The following TMEM229B variants were observed in gnomAD, a reference collection of about 807,000 sequenced individuals.
TMEM229B encodes the protein transmembrane protein 229B.
In TMEM229B, 6 loss-of-function variants were observed where a neutral mutation model predicts 13.7. The ratio of observed to expected loss-of-function variants is 0.44; its 90% CI spans 0.24 to 0.86. The LOEUF is 0.86. Among genes scored for constraint, TMEM229B ranks in the 40% least tolerant of loss-of-function variants. The pLI is 0.23. For missense variants in TMEM229B, 170 were observed against 236.0 expected (o/e 0.72, Z 1.83); for synonymous variants, 107 against 102.1 (o/e 1.05, Z -0.29).
rs146078085 is a variant in TMEM229B at position 67,524,481 on chromosome 14, C to T, written c.-192+9155G>A. On this transcript the variant is annotated intron_variant, in intron 1 of 2. Coordinates refer to the TMEM229B transcript ENST00000554278. ...GTGAGAAGGGGTAGACAAAGGAACA[C>T]AGGCTTAGGACTTCTTCCTTGAAGT... 8.0e-3 allele frequency among the ~76,000 whole-genome samples: 1,211 copies of T among 152,310 alleles called. 17 individuals carry two copies. The highest frequency in any genetic ancestry group is 0.027 in the African/African-American group (1,127 of 41,558).
intron 1 of TMEM229B, 108 bp downstream of exon 1, chr14:67,488,400 C>T (rs2032002419): frequency 1.3e-5 from 2 of 152,444 alleles, no homozygotes; most frequent in African/African-American, 4.8e-5. Flanking sequence ...CCCCCGGGGC[C>T]TCTGCACTGA....
chr14:67,517,042 T>G (rs2033215416), upstream of TMEM229B, among the ~76,000 whole-genome samples: 1 of 152,182 alleles, frequency 6.6e-6, no homozygotes, highest in African/African-American at 2.4e-5. Flanking sequence ...AACTTGTTTT[T>G]TTGCTGGAGA....
intron 1 of TMEM229B, among the ~76,000 whole-genome samples, chr14:67,501,066 T>TAATAAG (rs2038928731): frequency 6.8e-6 from 1 of 147,622 alleles, no homozygotes; most frequent in Non-Finnish European, 1.5e-5. Context: ...ATAATAATAA[T>TAATAAG]AATAATAATA....
chr14:67,478,244 G>C (rs924984001), intron 2 of TMEM229B, among the ~76,000 whole-genome samples: 1 of 152,200 alleles, frequency 6.6e-6, no homozygotes, highest in African/African-American at 2.4e-5. Context: ...GCTGAGCAAG[G>C]CTAGCTGTAC....
At chr14:67,482,685 C>T (rs1393935400) in intron 2 of TMEM229B, among the ~76,000 whole-genome samples, 1 of 152,214 alleles carries the variant, frequency 6.6e-6, no homozygotes, top group African/African-American at 2.4e-5. Context: ...CCTCCCTGAA[C>T]TTCCCCTGTT....
chr14:67,479,680 T>C (rs1192607712), intron 2 of TMEM229B, among the ~76,000 whole-genome samples: 1 of 152,080 alleles, frequency 6.6e-6, no homozygotes, highest in Non-Finnish European at 1.5e-5. Context: ...ATAGCGCCAC[T>C]GCACTCTAGC....
At chr14:67,496,004 C>T (rs936003828) in intron 1 of TMEM229B, among the ~76,000 whole-genome samples, 5 of 152,190 alleles carry the variant, frequency 3.3e-5, no homozygotes, top group Non-Finnish European at 5.9e-5. Context: ...TTCACTGTCA[C>T]AGCTGTGTGT....
At chr14:67,487,546 G>A (rs537834814) in intron 1 of TMEM229B, among the ~76,000 whole-genome samples, 5 of 152,216 alleles carry the variant, frequency 3.3e-5, no homozygotes, top group East Asian at 3.9e-4. Context: ...TCTCAAGGGC[G>A]GTCAGAACCT....
Position 67,474,026 on chromosome 14 carries a change from C to T in TMEM229B, c.-18-85G>A, listed in dbSNP as rs1255492100. The T allele has an allele frequency of 3.6e-6, 5 of 1,394,198 alleles. No homozygotes were observed. In the East Asian group the frequency reaches 1.3e-4, roughly 35 times the overall value. The allele number at this position is 1,394,198 out of a possible 1,614,324, so 86.4% of individuals were successfully genotyped here. A position where few individuals can be genotyped will look rare whatever the true frequency, so the allele number is the denominator to read the frequency against. On this transcript the variant is annotated intron_variant, in intron 2 of 2. Transcript: ENST00000554480. ...CCTGCGCTTTGGGAGGCCGAGGCGGCGGATCACTTGAGGTCAGGAGTTCCA... is the reference window on the plus strand; with the variant it reads ...CCTGCGCTTTGGGAGGCCGAGGCGGTGGATCACTTGAGGTCAGGAGTTCCA...
rs1433601874 is a variant in TMEM229B, at chr14:67,507,513, G to A, written c.-192+7573C>T. On this transcript the variant is annotated intron_variant, in intron 1 of 2. Transcript: ENST00000357461. ...GTCCAAGCTGGAGTGCAGTGGTGTG[G>A]TCACAGCTCATTGCAGCCTCGACCT... 2.0e-5 allele frequency among the ~76,000 whole-genome samples: 3 copies of A among 151,988 alleles called. No individual in the cohort carries two copies. In the East Asian group the frequency reaches 5.8e-4, roughly 29 times the overall value.
chr14:67,474,053 A>G, intron 2 of TMEM229B, 112 bp from the exon 3 acceptor site: 1 of 1,212,832 alleles, frequency 8.2e-7, no homozygotes, highest in South Asian at 1.6e-5. Context: ...GGAGTTCCAA[A>G]CCAGCCTGGC....
rs759399938 is a variant in TMEM229B, at chr14:67,470,327, G to A, written c.*3093C>T. 1.3e-5 allele frequency: 2 copies of A among 152,284 alleles called. No individual in the cohort carries two copies. Among genetic ancestry groups the A allele is most frequent in the Non-Finnish European group, 2.9e-5 (2 of 68,114 alleles). The allele number at this position is 152,284 out of a possible 1,614,324, so 9.4% of individuals were successfully genotyped here. A position where few individuals can be genotyped will look rare whatever the true frequency, so the allele number is the denominator to read the frequency against. ...AAATGTGAAAAGGAAGAGACAGAGGGACCAACGGAGACACAGAGCAGGCAA... is the reference window on the plus strand; with the variant it reads ...AAATGTGAAAAGGAAGAGACAGAGGAACCAACGGAGACACAGAGCAGGCAA... On this transcript the variant is annotated 3_prime_UTR_variant, in exon 3 of 3. Transcript: ENST00000554480.
chr14:67,516,956 A>G (rs1218137042), upstream of TMEM229B, among the ~76,000 whole-genome samples: 1 of 152,232 alleles, frequency 6.6e-6, no homozygotes, highest in Non-Finnish European at 1.5e-5. Context: ...TTGCCTCATC[A>G]TAAATATAGT....
chr14:67,474,760 GTC>G (rs2031063060), intron 2 of TMEM229B, among the ~76,000 whole-genome samples: 1 of 152,022 alleles, frequency 6.6e-6, no homozygotes, highest in Admixed American at 6.6e-5. Context: ...TCTATTTTCT[GTC>G]TCTATGAATT....
intron 1 of TMEM229B, among the ~76,000 whole-genome samples, chr14:67,525,966 G>A (rs898947422): frequency 5.9e-5 from 9 of 152,270 alleles, no homozygotes; most frequent in South Asian, 4.1e-4. Flanking sequence ...CAGCAGCCCC[G>A]TGTCAGCCCC....
intron 1 of TMEM229B, among the ~76,000 whole-genome samples, chr14:67,494,963 T>C (rs890451615): frequency 1.8e-4 from 27 of 152,132 alleles, no homozygotes; most frequent in Admixed American, 6.5e-4. Context: ...AAATTTAAAA[T>C]TAAATAAAGC....
intron 1 of TMEM229B, among the ~76,000 whole-genome samples, chr14:67,526,696 A>T (rs1200775591): frequency 6.6e-6 from 1 of 152,178 alleles, no homozygotes; most frequent in Non-Finnish European, 1.5e-5. Flanking sequence ...ATCTGGCCCT[A>T]CACCTGACTG....
upstream of TMEM229B, among the ~76,000 whole-genome samples, chr14:67,489,606 G>A (rs943106296): frequency 1.3e-5 from 2 of 152,112 alleles, no homozygotes; most frequent in African/African-American, 2.4e-5. Context: ...CCTTTGCGAT[G>A]CCGTCCCACA....
At chr14:67,519,461 A>G (rs1205746951), upstream of TMEM229B, among the ~76,000 whole-genome samples, 4 of 152,318 alleles carry the variant, frequency 2.6e-5, no homozygotes, top group South Asian at 2.1e-4. Context: ...CTGCTCAAGC[A>G]TAAAGAGTCA....
Sources: gnomAD v4.1 joint callset for allele counts (sites outside exome capture counted in the v4.1 genomes callset) on GRCh38, gnomAD v4.1.1 for gene constraint, MANE v1.5 for transcripts, NCBI Gene and HGNC (gene_info 2026-07-23, HGNC 2026-07-21) for gene names.